NSMCE2: variants seen among roughly 807,000 people sequenced by gnomAD.
NSMCE2 encodes the protein E3 SUMO-protein ligase NSE2.
NSMCE2 carries 24 observed loss-of-function variants against 23.8 expected under a neutral mutation model. That is an observed-to-expected ratio of 1.01 (90% CI 0.73 to 1.42). The LOEUF (loss-of-function observed/expected upper bound fraction) is 1.42. Among genes scored for constraint, NSMCE2 ranks in the 40% most tolerant of loss-of-function variants. NSMCE2 has a pLI of 0.00. For missense variants in NSMCE2, 284 were observed against 296.5 expected, an observed-to-expected ratio of 0.96 and a Z score of 0.31; for synonymous variants, 92 against 94.1, an observed-to-expected ratio of 0.98 and a Z score of 0.13.
At chr8:125,320,600 T>C (rs1432279921) in intron 5 of NSMCE2, among the ~76,000 whole-genome samples, 1 of 152,000 alleles carries the variant, frequency 6.6e-6, no homozygotes, top group African/African-American at 2.4e-5. Flanking sequence ...TTTAAGTTAC[T>C]GAAAGGAAGA....
At position 125,102,440 on chromosome 8, in the gene NSMCE2, G is replaced by C. The variant is rs1343250289; in HGVS notation, c.110G>C (p.Gly37Ala). 6.2e-7 allele frequency: 1 copy of C among 1,613,784 alleles called. No individual in the cohort carries two copies. The highest frequency in any genetic ancestry group is 1.3e-5 in the African/African-American group (1 of 74,890). Residue 37 changes from glycine to alanine, a missense_variant, in exon 3 of 8, where the codon GGT becomes GCT. Physicochemically the swap from Gly to Ala is moderately conservative, Grantham distance 60. Around this residue, in one of 2 missense-constraint regions of NSMCE2, gnomAD observed 182 missense variants for 155.5 expected, o/e 1.17. Transcript: ENST00000287437. ...AACTTCCAAGCCTGTATCAACTCTG[G>C]TATGGACACAGCTTCTAGTGTTGCT... ...LKNFQACINS[G>A]MDTASSVALD... is the part of the protein sequence containing the mutation.
At chr8:125,260,022 G>A (rs1396926409) in intron 5 of NSMCE2, among the ~76,000 whole-genome samples, 1 of 152,172 alleles carries the variant, frequency 6.6e-6, no homozygotes, top group African/African-American at 2.4e-5. Flanking sequence ...AGCAGATATT[G>A]CAGGCTGGAT....
intron 3 of NSMCE2, among the ~76,000 whole-genome samples, chr8:125,115,640 A>T (rs2130457624): frequency 6.6e-6 from 1 of 152,314 alleles, no homozygotes; most frequent in Admixed American, 6.5e-5. Flanking sequence ...AATCCCAGCT[A>T]CTTGGGAGGC....
intron 4 of NSMCE2, among the ~76,000 whole-genome samples, chr8:125,160,993 C>G (rs1454672142): frequency 2.6e-5 from 4 of 152,172 alleles, no homozygotes; most frequent in Non-Finnish European, 5.9e-5. Context: ...TGTGTAATCT[C>G]TATACATTGC....
At chr8:125,324,931 G>A (rs1439219011) in intron 5 of NSMCE2, among the ~76,000 whole-genome samples, 1 of 117,822 alleles carries the variant, frequency 8.5e-6, no homozygotes, top group East Asian at 2.8e-4. Context: ...AAACAGATCA[G>A]TTGTGTTGGA....
At chr8:125,188,407 C>A (rs1823200948) in intron 5 of NSMCE2, among the ~76,000 whole-genome samples, 1 of 152,172 alleles carries the variant, frequency 6.6e-6, no homozygotes, top group Non-Finnish European at 1.5e-5. Flanking sequence ...AAAAAACCAT[C>A]ATGTGCTTGA....
At position 125,322,191 on chromosome 8, in the gene NSMCE2, A is replaced by G. The variant is rs1297633026; in HGVS notation, c.419-35028A>G. ...AGACCAACCTGGGCAACATAGCAAG[A>G]CCGTGTCTCTACAAAGAAATTTTAA... On this transcript the variant is annotated intron_variant, in intron 5 of 7. Transcript: ENST00000287437. 2.0e-5 allele frequency among the ~76,000 whole-genome samples: 3 copies of G among 152,004 alleles called. No individual in the cohort carries two copies. The East Asian group carries it at 5.8e-4, about 29-fold the overall frequency.
chr8:125,354,082 C>T (rs1231371247), intron 5 of NSMCE2, among the ~76,000 whole-genome samples: 1 of 151,284 alleles, frequency 6.6e-6, no homozygotes, highest in Non-Finnish European at 1.5e-5. Context: ...TAGGCGCCCA[C>T]CACCACGCCC....
intron 4 of NSMCE2, among the ~76,000 whole-genome samples, chr8:125,164,762 C>CT (rs932151891): frequency 3.9e-5 from 6 of 151,930 alleles, no homozygotes; most frequent in Non-Finnish European, 5.9e-5. Context: ...ATGAAATAAA[C>CT]TTTTTTCTAG....
chr8:125,134,764 G>A (rs1035007159), intron 3 of NSMCE2, among the ~76,000 whole-genome samples: 1 of 127,482 alleles, frequency 7.8e-6, no homozygotes, highest in Non-Finnish European at 1.6e-5. Flanking sequence ...GTCTTGCTCT[G>A]TTGCTCAGGC....
In NSMCE2 at chr8:125,107,467, C is replaced by G. The variant is rs538043753; in HGVS notation, c.157+4980C>G. Among the ~76,000 whole-genome samples, 29 of 152,154 alleles carry G rather than the reference C, an allele frequency of 1.9e-4. No individual in the cohort carries two copies. The South Asian group carries it at 5.8e-3, about 31-fold the overall frequency. On this transcript the variant is annotated intron_variant, in intron 3 of 7. Coordinates refer to ENST00000287437, the MANE Select transcript of NSMCE2 (RefSeq NM_173685.4). ...TCGACCTCCCAAAGTGCTGGGATTA[C>G]AGGCATGAGCCACCAGGCCTGGCCT...
intron 5 of NSMCE2, among the ~76,000 whole-genome samples, chr8:125,248,553 TGAGGCAGGAGAATTACCTGAACCAGG>T (rs1342515129): frequency 6.6e-6 from 1 of 152,080 alleles, no homozygotes; most frequent in Non-Finnish European, 1.5e-5. Flanking sequence ...CTTGGGAGGC[TGAGGCAGGAGAATTACCTGAACCAGG>T]GAGGCGGAGG....
intron 3 of NSMCE2, among the ~76,000 whole-genome samples, chr8:125,134,502 A>T (rs573029326): frequency 3.3e-5 from 5 of 152,036 alleles, no homozygotes; most frequent in African/African-American, 1.2e-4. Context: ...TTTTAATTTG[A>T]TTTTTCTAAT....
intron 5 of NSMCE2, among the ~76,000 whole-genome samples, chr8:125,334,774 T>C (rs1332941532): frequency 5.7e-5 from 1 of 17,438 alleles, no homozygotes. Context: ...TATCTTTTCT[T>C]TTTTTTTTTT....
intron 1 of NSMCE2, among the ~76,000 whole-genome samples, chr8:125,097,059 T>A (rs1817974693): frequency 1.3e-5 from 2 of 152,308 alleles, no homozygotes; most frequent in Admixed American, 1.3e-4. Context: ...TTGTGTAAAA[T>A]GTCTCAACTT....
intron 3 of NSMCE2, among the ~76,000 whole-genome samples, chr8:125,106,047 TAC>T (rs138450338): frequency 0.01 from 1,486 of 148,184 alleles, 19 homozygotes; most frequent in African/African-American, 0.021. Flanking sequence ...TGTGTGTGCA[TAC>T]ACACACACAC....
chr8:125,293,605 G>A (rs1245106323), intron 5 of NSMCE2, among the ~76,000 whole-genome samples: 1 of 151,450 alleles, frequency 6.6e-6, no homozygotes, highest in African/African-American at 2.4e-5. Flanking sequence ...CAAGCATACT[G>A]ATGAGTAGAG....
intron 5 of NSMCE2, among the ~76,000 whole-genome samples, chr8:125,227,297 G>A (rs768298469): frequency 3.3e-5 from 5 of 152,126 alleles, no homozygotes; most frequent in Non-Finnish European, 7.4e-5. Context: ...GTAGCTGATG[G>A]TAGCTTAGTG....
At chr8:125,365,941 T>A (rs891651982) in intron 7 of NSMCE2, among the ~76,000 whole-genome samples, 4 of 152,178 alleles carry the variant, frequency 2.6e-5, no homozygotes, top group Non-Finnish European at 5.9e-5. Context: ...CCCTCTTGCC[T>A]GGGTCGCTGC....
Sources: allele counts gnomAD v4.1 joint callset (sites outside exome capture counted in the v4.1 genomes callset), GRCh38; gene constraint gnomAD v4.1.1; regional missense constraint gnomAD v4.1.1; transcripts MANE v1.5; gene names NCBI Gene and HGNC (gene_info 2026-07-23, HGNC 2026-07-21).